The following MYO1D variants were observed in gnomAD, a reference collection of about 807,000 sequenced individuals.
MYO1D encodes myosin ID.
In MYO1D, 83 loss-of-function variants were observed where a neutral mutation model predicts 122.0. The ratio of observed to expected loss-of-function variants is 0.68; its 90% CI spans 0.57 to 0.82. MYO1D has a LOEUF of 0.82. Ranked by LOEUF, MYO1D falls within the 40% of genes least tolerant of loss-of-function variation. MYO1D has a pLI of 0.00. For synonymous variants in MYO1D, 464 were observed against 446.9 expected (o/e 1.04, Z -0.48); for missense variants, 1,157 against 1,269.5 (o/e 0.91, Z 1.35).
chr17:32,795,178 T>G (rs879852016), intron 1 of MYO1D, among the ~76,000 whole-genome samples: 22 of 151,996 alleles, frequency 1.4e-4, no homozygotes, highest in Non-Finnish European at 2.5e-4. Flanking sequence ...CTGAGAGACA[T>G]CCAAGTGAAG....
At chr17:32,655,770 C>T (rs2088468334) in intron 17 of MYO1D, among the ~76,000 whole-genome samples, 1 of 152,132 alleles carries the variant, frequency 6.6e-6, no homozygotes, top group South Asian at 2.1e-4. Context: ...GGGACATGAC[C>T]TGACTCATGC....
chr17:32,721,926 T>C (rs73280093), intron 14 of MYO1D, among the ~76,000 whole-genome samples: 7,435 of 152,270 alleles, frequency 0.049, 584 homozygotes, highest in African/African-American at 0.17. Flanking sequence ...TGAGGTCAAA[T>C]GTATCCTACA....
chr17:32,829,476 CAG>C, intron 1 of MYO1D, among the ~76,000 whole-genome samples: 1 of 152,288 alleles, frequency 6.6e-6, no homozygotes, highest in African/African-American at 2.4e-5. Flanking sequence ...TTTTTGGAGA[CAG>C]AGTCTTGCTC....
chr17:32,724,997 C>A (rs921412028), intron 14 of MYO1D, among the ~76,000 whole-genome samples: 4 of 151,596 alleles, frequency 2.6e-5, no homozygotes, highest in Non-Finnish European at 5.9e-5. Context: ...AACAGCAAAA[C>A]AAAATAAAAA....
At chr17:32,759,393 A>G (rs1324085534) in intron 10 of MYO1D, among the ~76,000 whole-genome samples, 1 of 152,132 alleles carries the variant, frequency 6.6e-6, no homozygotes, top group African/African-American at 2.4e-5. Context: ...AAGGAAGATA[A>G]AAGTCATTTA....
intron 21 of MYO1D, chr17:32,510,938 G>C (rs1909672114): frequency 6.9e-6 from 1 of 145,742 alleles, no homozygotes; most frequent in Admixed American, 7.0e-5. Context: ...TATACCCACA[G>C]CTCCCTCAAG....
intron 14 of MYO1D, among the ~76,000 whole-genome samples, chr17:32,731,883 G>T (rs2089643470): frequency 6.6e-6 from 1 of 152,190 alleles, no homozygotes; most frequent in Admixed American, 6.5e-5. Context: ...GTAGACCTGG[G>T]TACCTCTGCA....
intron 19 of MYO1D, among the ~76,000 whole-genome samples, chr17:32,650,365 C>T (rs1200264139): frequency 4.6e-5 from 7 of 152,138 alleles, no homozygotes; most frequent in Admixed American, 6.5e-5. Context: ...TACAATTTAC[C>T]GTAGTATAGT....
intron 16 of MYO1D, among the ~76,000 whole-genome samples, chr17:32,674,544 T>C (rs2088776441): frequency 6.6e-6 from 1 of 152,158 alleles, no homozygotes. Context: ...TTTAAAGTAC[T>C]TATTCTTGAC....
chr17:32,859,295 C>T (rs1325844818), intron 1 of MYO1D, among the ~76,000 whole-genome samples: 1 of 152,218 alleles, frequency 6.6e-6, no homozygotes, highest in African/African-American at 2.4e-5. Flanking sequence ...AACCTGACTC[C>T]ATTATCCTCA....
At chr17:32,513,965 CG>C in intron 21 of MYO1D, among the ~76,000 whole-genome samples, 1 of 151,434 alleles carries the variant, frequency 6.6e-6, no homozygotes, top group East Asian at 1.9e-4. Flanking sequence ...TTTTTTTGGC[CG>C]GGCATGGTGG....
At chr17:32,564,142 G>C (rs1467859998) in intron 21 of MYO1D, among the ~76,000 whole-genome samples, 1 of 152,234 alleles carries the variant, frequency 6.6e-6, no homozygotes, top group African/African-American at 2.4e-5. Flanking sequence ...TGGAGTCCCT[G>C]GCCTGCAGGT....
At chr17:32,577,973 T>C (rs1276427480) in intron 21 of MYO1D, among the ~76,000 whole-genome samples, 1 of 152,088 alleles carries the variant, frequency 6.6e-6, no homozygotes, top group African/African-American at 2.4e-5. Context: ...TCTCCTGACC[T>C]CGTGATCCGC....
chr17:32,560,520 A>G (rs1217934681), intron 21 of MYO1D, among the ~76,000 whole-genome samples: 1 of 112,546 alleles, frequency 8.9e-6, no homozygotes, highest in Non-Finnish European at 1.9e-5. Flanking sequence ...AGTAATACCC[A>G]GAGACAACAT....
At chr17:32,750,121 G>C (rs1216332013) in intron 11 of MYO1D, among the ~76,000 whole-genome samples, 1 of 152,212 alleles carries the variant, frequency 6.6e-6, no homozygotes, top group Non-Finnish European at 1.5e-5. Flanking sequence ...TTTCACAGAA[G>C]ATAAAGCTTC....
chr17:32,559,986 G>A (rs1179282347), intron 21 of MYO1D, among the ~76,000 whole-genome samples: 2 of 152,226 alleles, frequency 1.3e-5, no homozygotes, highest in African/African-American at 2.4e-5. Context: ...GCCAGGTGTG[G>A]TGGCTCACGC....
intron 1 of MYO1D, among the ~76,000 whole-genome samples, chr17:32,872,980 G>T (rs998822695): frequency 6.6e-5 from 10 of 152,228 alleles, no homozygotes; most frequent in Non-Finnish European, 1.3e-4. Flanking sequence ...ACAGGCGTGA[G>T]CCACCGCGCC....
chr17:32,503,763 C>T (rs1029436910), intron 21 of MYO1D, among the ~76,000 whole-genome samples: 1 of 152,252 alleles, frequency 6.6e-6, no homozygotes, highest in Non-Finnish European at 1.5e-5. Flanking sequence ...CTCTGGCTCA[C>T]ACTGAGGACA....
rs376278879 is a variant in MYO1D at position 32,607,673 on chromosome 17, G to A, written c.2710-2432C>T. On this transcript the variant is annotated intron_variant, in intron 20 of 21. Transcript: ENST00000318217. The stretch of plus-strand genomic sequence containing the variant: ...TATCAACAAGCAGATTCTGAAATAT[G>A]TATGGAAAAGCAAAAGAACTAGAAT... Among the ~76,000 whole-genome samples, 24 of 152,200 alleles carry A rather than the reference G, an allele frequency of 1.6e-4. No homozygotes were observed. The South Asian group carries it at 2.9e-3, about 18-fold the overall frequency.
Sources: allele counts gnomAD v4.1 joint callset (sites outside exome capture counted in the v4.1 genomes callset), GRCh38; gene constraint gnomAD v4.1.1; transcripts MANE v1.5; gene names NCBI Gene and HGNC (gene_info 2026-07-23, HGNC 2026-07-21).